FBXL17: variants seen among roughly 807,000 people sequenced by gnomAD.
FBXL17 encodes F-box and leucine rich repeat protein 17, also known as F-box/LRR-repeat protein 17.
A neutral mutation model predicts 66.2 loss-of-function variants in FBXL17; 22 were observed. That is an observed-to-expected ratio of 0.33 (90% CI 0.24 to 0.47). FBXL17 has a LOEUF of 0.47. Ranked by LOEUF, FBXL17 falls within the 20% of genes least tolerant of loss-of-function variation. The probability of loss-of-function intolerance (pLI) is 1.00; values close to 1 mark genes in which losing one functional copy is unlikely to be tolerated. For missense variants in FBXL17, 878 were observed against 948.2 expected (o/e 0.93, Z 0.97); for synonymous variants, 474 against 400.5 (o/e 1.18, Z -2.19).
chr5:107,861,616 C>T lies in FBXL17; in HGVS notation c.*104G>A. 1 of 1,101,252 alleles carries T rather than the reference C, an allele frequency of 9.1e-7. No individual in the cohort carries two copies. Among genetic ancestry groups the T allele is most frequent in the Non-Finnish European group, 1.2e-6 (1 of 830,118 alleles). The allele number at this position is 1,101,252 out of a possible 1,614,324, so 68.2% of individuals were successfully genotyped here. On this transcript the variant is annotated 3_prime_UTR_variant, in exon 9 of 9. Transcript: ENST00000542267. ...ACAAATACACATACTTGAACACACA[C>T]AGACAGGTGACAGTTAAAACCCTTC...
chr5:108,005,266 A>G (rs1463499474), intron 7 of FBXL17, among the ~76,000 whole-genome samples: 3 of 152,130 alleles, frequency 2.0e-5, no homozygotes, highest in Admixed American at 6.5e-5. Flanking sequence ...GACGATACGT[A>G]AAGTATCAGA....
At chr5:108,274,646 G>A (rs1239244306) in intron 4 of FBXL17, among the ~76,000 whole-genome samples, 1 of 152,162 alleles carries the variant, frequency 6.6e-6, no homozygotes, top group African/African-American at 2.4e-5. Flanking sequence ...GGTATTGACT[G>A]GGGAAGTGAT....
chr5:108,007,379 A>G (rs1278336657), intron 7 of FBXL17, among the ~76,000 whole-genome samples: 1 of 152,210 alleles, frequency 6.6e-6, no homozygotes, highest in Non-Finnish European at 1.5e-5. Context: ...GAGACAGACT[A>G]GAGTCCACAC....
At chr5:108,284,147 A>G (rs1757807406) in intron 4 of FBXL17, among the ~76,000 whole-genome samples, 1 of 152,010 alleles carries the variant, frequency 6.6e-6, no homozygotes, top group African/African-American at 2.4e-5. Context: ...AGAATTAAAG[A>G]TAGATTTACC....
At chr5:108,146,363 T>C (rs775955615) in intron 6 of FBXL17, among the ~76,000 whole-genome samples, 6 of 152,100 alleles carry the variant, frequency 3.9e-5, no homozygotes, top group Non-Finnish European at 7.4e-5. Context: ...ATTTGATTCA[T>C]GGGCTCCATG....
At position 107,896,406 on chromosome 5, in the gene FBXL17, A is replaced by G. The variant is rs77532591; in HGVS notation, c.1823-15227T>C. 2.7e-4 allele frequency among the ~76,000 whole-genome samples: 41 copies of G among 152,206 alleles called. 1 individual carries two copies. In the East Asian group the frequency reaches 7.9e-3, roughly 29 times the overall value. ...AATAAATAAAATAGAAGATACTTAT[A>G]TTATTATGACTGTGCAAATACTGTT... On this transcript the variant is annotated intron_variant, in intron 7 of 8. Transcript: ENST00000542267.
At chr5:108,162,738 C>T (rs186456030) in intron 6 of FBXL17, among the ~76,000 whole-genome samples, 1 of 152,156 alleles carries the variant, frequency 6.6e-6, no homozygotes, top group Non-Finnish European at 1.5e-5. Flanking sequence ...CATTTGAAAA[C>T]TGGGCACAAT....
intron 4 of FBXL17, among the ~76,000 whole-genome samples, chr5:108,336,346 T>A (rs1760382813): frequency 1.3e-5 from 2 of 152,148 alleles, no homozygotes; most frequent in African/African-American, 4.8e-5. Flanking sequence ...ATATTTAATA[T>A]CTACCTCTAA....
chr5:107,875,139 T>A (rs943996483), intron 8 of FBXL17, among the ~76,000 whole-genome samples: 1 of 151,782 alleles, frequency 6.6e-6, no homozygotes, highest in Non-Finnish European at 1.5e-5. Context: ...TTCTTTGATA[T>A]GGCATCAATT....
intron 6 of FBXL17, among the ~76,000 whole-genome samples, chr5:108,146,511 C>T (rs1751568376): frequency 1.3e-5 from 2 of 152,156 alleles, no homozygotes; most frequent in South Asian, 4.1e-4. Context: ...TACCTCACAA[C>T]CTCAGAGAAG....
intron 6 of FBXL17, among the ~76,000 whole-genome samples, chr5:108,090,828 T>G (rs1047005705): frequency 6.6e-6 from 1 of 152,200 alleles, no homozygotes; most frequent in Admixed American, 6.5e-5. Flanking sequence ...CCGGGGTTTC[T>G]CAGAGCACAT....
chr5:107,977,756 G>C (rs1432858065), intron 7 of FBXL17, among the ~76,000 whole-genome samples: 3 of 152,172 alleles, frequency 2.0e-5, no homozygotes, highest in African/African-American at 7.2e-5. Context: ...ATAATGACTA[G>C]ATAAAGTGCT....
At chr5:108,006,115 C>T (rs1753911059) in intron 7 of FBXL17, among the ~76,000 whole-genome samples, 1 of 152,134 alleles carries the variant, frequency 6.6e-6, no homozygotes, top group African/African-American at 2.4e-5. Context: ...AAATGGGAGG[C>T]GAGGCACCGG....
intron 4 of FBXL17, among the ~76,000 whole-genome samples, chr5:108,292,269 A>G (rs1168951902): frequency 1.3e-5 from 2 of 151,776 alleles, no homozygotes; most frequent in African/African-American, 4.8e-5. Context: ...TTACAGGCAC[A>G]CACCACCACG....
At chr5:108,133,735 G>C (rs1283486513) in intron 6 of FBXL17, among the ~76,000 whole-genome samples, 1 of 152,086 alleles carries the variant, frequency 6.6e-6, no homozygotes, top group Admixed American at 6.6e-5. Context: ...AAAAATGTAG[G>C]CTTTGGAGTC....
chr5:107,904,269 C>A (rs1402814006), intron 7 of FBXL17, among the ~76,000 whole-genome samples: 2 of 152,230 alleles, frequency 1.3e-5, no homozygotes, highest in South Asian at 4.1e-4. Context: ...CCAGGAGAGA[C>A]ACCCCCTTCT....
chr5:108,159,315 A>T (rs1487883070), intron 6 of FBXL17, among the ~76,000 whole-genome samples: 1 of 152,208 alleles, frequency 6.6e-6, no homozygotes, highest in Non-Finnish European at 1.5e-5. Flanking sequence ...AACCTTTCAG[A>T]TCTGTAATAA....
intron 5 of FBXL17, among the ~76,000 whole-genome samples, chr5:108,219,077 T>A (rs1754735081): frequency 6.6e-6 from 1 of 152,210 alleles, no homozygotes; most frequent in Non-Finnish European, 1.5e-5. Flanking sequence ...TTTGAACCTA[T>A]ATTCATGAAA....
intron 4 of FBXL17, among the ~76,000 whole-genome samples, chr5:108,224,607 GT>G (rs1755019332): frequency 6.6e-6 from 1 of 150,916 alleles, no homozygotes; most frequent in Non-Finnish European, 1.5e-5. Flanking sequence ...GTTTTGTTTT[GT>G]TTTGACAGAG....
Sources: gnomAD v4.1 joint callset for allele counts (sites outside exome capture counted in the v4.1 genomes callset) on GRCh38, gnomAD v4.1.1 for gene constraint, MANE v1.5 for transcripts, NCBI Gene and HGNC (gene_info 2026-07-23, HGNC 2026-07-21) for gene names.